PPP1R12B: variants seen among roughly 807,000 people sequenced by gnomAD.
PPP1R12B encodes the protein myosin phosphatase target subunit 2.
Under a neutral mutation model 126.1 loss-of-function variants are expected in PPP1R12B, and 76 were observed. The ratio of observed to expected loss-of-function variants is 0.60; its 90% CI spans 0.50 to 0.73. The LOEUF (loss-of-function observed/expected upper bound fraction) is 0.73. Ranked by LOEUF, PPP1R12B falls within the 30% of genes least tolerant of loss-of-function variation. PPP1R12B has a pLI of 0.00. For synonymous variants in PPP1R12B, 356 were observed against 434.7 expected (o/e 0.82, Z 2.25); for missense variants, 1,052 against 1,205.1 (o/e 0.87, Z 1.88).
intron 1 of PPP1R12B, among the ~76,000 whole-genome samples, chr1:202,352,611 G>A (rs1022174552): frequency 2.6e-5 from 4 of 152,108 alleles, no homozygotes; most frequent in Admixed American, 6.6e-5. Context: ...ACTGGCGGCC[G>A]GGGGTGGTGG....
chr1:202,412,863 A>G (rs1667591652), intron 1 of PPP1R12B, among the ~76,000 whole-genome samples: 1 of 152,218 alleles, frequency 6.6e-6, no homozygotes. Context: ...TTAGTGAGAT[A>G]CTCTGTGATA....
Position 202,477,631 on chromosome 1 carries a change from G to A in PPP1R12B, c.1851-10902G>A, listed in dbSNP as rs796991151. Among the ~76,000 whole-genome samples, 7 of 152,224 alleles carry A rather than the reference G, an allele frequency of 4.6e-5. 1 individual carries two copies. Among genetic ancestry groups the A allele is most frequent in the African/African-American group, 1.4e-4 (6 of 41,540 alleles). On this transcript the variant is annotated intron_variant, in intron 13 of 23. Transcript: ENST00000608999. ...TCACCCTGGGCTAGAGTGCAGTGGTGCAATCATGGCTCACTGCAGCCTTGA... is the reference window on the plus strand; with the variant it reads ...TCACCCTGGGCTAGAGTGCAGTGGTACAATCATGGCTCACTGCAGCCTTGA...
rs766216805 is a variant in PPP1R12B, at chr1:202,442,466, G to C, written c.1561G>C (p.Val521Leu). 7 of 1,612,938 alleles carry C rather than the reference G, an allele frequency of 4.3e-6. No individual in the cohort carries two copies. The highest frequency in any genetic ancestry group is 2.5e-6 in the Non-Finnish European group (3 of 1,179,596). Residue 521 changes from valine to leucine, a missense_variant, in exon 12 of 24, where the codon GTG becomes CTG. Physicochemically the swap from Val to Leu is conservative, Grantham distance 32 (BLOSUM62 1). Coordinates refer to ENST00000608999, the MANE Select transcript of PPP1R12B (RefSeq NM_002481.4). ...KENRESAVNL[V>L]RSGSYTRQLW... ...CTACAGAGAATCAGCTGTTAATCTA[G>C]TGAGGAGTGGCTCCTATACCCGGCA...
intron 19 of PPP1R12B, among the ~76,000 whole-genome samples, chr1:202,561,861 T>A (rs1687567814): frequency 6.6e-6 from 1 of 152,112 alleles, no homozygotes; most frequent in African/African-American, 2.4e-5. Flanking sequence ...TATTTCAGCT[T>A]CCCCACCCCC....
Position 202,431,626 on chromosome 1 carries a change from CA to C in PPP1R12B, c.1141+10del. 6.2e-7 allele frequency: 1 copy of C among 1,601,678 alleles called. No homozygotes were observed. The highest frequency in any genetic ancestry group is 2.3e-5 in the East Asian group (1 of 44,436). On this transcript the variant is annotated splice_region_variant and intron_variant, in intron 8 of 23. Transcript: ENST00000608999. ...GAAACTGAGAAGGAGGCAGGTAATG[CA>C]AAGATGTTCATAGTGAAGATCCTCT...
Position 202,364,723 on chromosome 1 carries a change from C to CCTG in PPP1R12B, c.291+15582_291+15583insTGC, listed in dbSNP as rs1343643192. On this transcript the variant is annotated intron_variant, in intron 1 of 23. Transcript: ENST00000608999. Reference sequence around the variant, plus strand: ...TCCCGAGTAGCTGGGACTACAGGCGCCCGCCACCATGCTCGGCTAAGTTTT... The same window carrying CCTG: ...TCCCGAGTAGCTGGGACTACAGGCGCCTGCCGCCACCATGCTCGGCTAAGTTTT... Among the ~76,000 whole-genome samples, 5 of 152,166 alleles carry CCTG rather than the reference C, an allele frequency of 3.3e-5. No individual in the cohort carries two copies. In the East Asian group the frequency reaches 5.8e-4, roughly 18 times the overall value.
intron 18 of PPP1R12B, among the ~76,000 whole-genome samples, chr1:202,501,199 A>G (rs1052584473): frequency 2.6e-5 from 4 of 152,226 alleles, no homozygotes; most frequent in Admixed American, 1.3e-4. Flanking sequence ...GGGTTATTCT[A>G]ATTATATCTG....
chr1:202,487,609 T>C (rs1362314986), intron 13 of PPP1R12B, among the ~76,000 whole-genome samples: 4 of 150,890 alleles, frequency 2.7e-5, no homozygotes, highest in Non-Finnish European at 5.9e-5. Flanking sequence ...ATTTCTTTTT[T>C]TTTTTTCTTT....
Position 202,565,576 on chromosome 1 carries a change from C to CA in PPP1R12B, c.2757+1030dup, listed in dbSNP as rs1442537768. ...TGCCAACACTTGGAAGACAGCCCCA[C>CA]AGAGCTGCGTAGGACTCCAGCAAGA... On this transcript the variant is annotated intron_variant, in intron 21 of 23. Transcript: ENST00000608999. This position sits in a 1 kb window ranked among gnomAD's most constrained non-coding sequence, Gnocchi z 4.3. Among the ~76,000 whole-genome samples the CA allele has an allele frequency of 6.6e-6, 1 of 152,162 alleles. No individual in the cohort carries two copies. Among genetic ancestry groups the CA allele is most frequent in the Non-Finnish European group, 1.5e-5 (1 of 68,032 alleles).
intron 18 of PPP1R12B, among the ~76,000 whole-genome samples, chr1:202,537,984 T>TTTTG (rs557780620): frequency 1.3e-5 from 2 of 151,992 alleles, no homozygotes; most frequent in African/African-American, 2.4e-5. Context: ...GGCAAGTTGT[T>TTTTG]TTTGTTTGTT....
At chr1:202,488,442 G>C in intron 13 of PPP1R12B, 91 bp from the exon 14 acceptor site, 1 of 1,000,288 alleles carries the variant, frequency 1.0e-6, no homozygotes, top group East Asian at 2.7e-5. Context: ...CTAGAATGTA[G>C]AAATCTCTTC....
At chr1:202,550,647 G>T (rs1686214198) in intron 18 of PPP1R12B, among the ~76,000 whole-genome samples, 1 of 152,088 alleles carries the variant, frequency 6.6e-6, no homozygotes, top group Non-Finnish European at 1.5e-5. Flanking sequence ...TCCAAGCTAT[G>T]GGGAAAGTAA....
chr1:202,526,276 GCAAGACCAGCAGC>G (rs1683341213), intron 18 of PPP1R12B, among the ~76,000 whole-genome samples: 1 of 152,208 alleles, frequency 6.6e-6, no homozygotes, highest in Non-Finnish European at 1.5e-5. Context: ...GAAATAGAAA[GCAAGACCAGCAGC>G]CAAGAAAGAA....
At chr1:202,537,145 G>A (rs891893075) in intron 18 of PPP1R12B, among the ~76,000 whole-genome samples, 4 of 152,240 alleles carry the variant, frequency 2.6e-5, no homozygotes, top group East Asian at 1.9e-4. Flanking sequence ...TCAGGAGATC[G>A]AGACCATCCT....
intron 1 of PPP1R12B, among the ~76,000 whole-genome samples, chr1:202,403,677 G>T (rs1329174258): frequency 6.6e-6 from 1 of 152,250 alleles, no homozygotes; most frequent in Non-Finnish European, 1.5e-5. Context: ...TATGGAAAGG[G>T]CAACAGTACT....
At chr1:202,546,341 A>C (rs1466877231) in intron 18 of PPP1R12B, among the ~76,000 whole-genome samples, 2 of 152,206 alleles carry the variant, frequency 1.3e-5, no homozygotes, top group Non-Finnish European at 2.9e-5. Flanking sequence ...GCAGGGGCTC[A>C]CACCTGTAAT....
At chr1:202,496,424 TA>T (rs1486326862) in intron 17 of PPP1R12B, among the ~76,000 whole-genome samples, 2 of 152,234 alleles carry the variant, frequency 1.3e-5, no homozygotes, top group Non-Finnish European at 2.9e-5. Flanking sequence ...AATGAGACAG[TA>T]GTAGTCATTC....
intron 1 of PPP1R12B, among the ~76,000 whole-genome samples, chr1:202,353,861 C>T (rs562364507): frequency 6.6e-6 from 1 of 152,054 alleles, no homozygotes; most frequent in African/African-American, 2.4e-5. Flanking sequence ...AATCCTCCCC[C>T]CTCGGCCTCC....
Position 202,439,827 on chromosome 1 carries a change from A to G in PPP1R12B, c.1459-879A>G, listed in dbSNP as rs1033989132. ...CCTTCTCCTGCTGGGCTAGGTCTCC[A>G]CTGGGGCCAGCCTCAGTTTCTCCTC... On this transcript the variant is annotated intron_variant, in intron 10 of 23. Coordinates refer to ENST00000608999, the MANE Select transcript of PPP1R12B (RefSeq NM_002481.4). 8.1e-5 allele frequency: 31 copies of G among 383,922 alleles called. No individual in the cohort carries two copies. The Middle Eastern group carries it at 2.3e-3, about 28-fold the overall frequency. 23.8% of individuals were successfully genotyped at this position (383,922 alleles called of 1,614,324 possible). A position where few individuals can be genotyped will look rare whatever the true frequency, so the allele number is the denominator to read the frequency against.
Sources: allele counts gnomAD v4.1 joint callset (sites outside exome capture counted in the v4.1 genomes callset), GRCh38; gene constraint gnomAD v4.1.1; non-coding constraint Gnocchi (gnomAD v3.1); transcripts MANE v1.5; gene names NCBI Gene and HGNC (gene_info 2026-07-23, HGNC 2026-07-21).